TSEN2: variants seen among roughly 807,000 people sequenced by gnomAD.
The protein encoded by TSEN2 is tRNA splicing endonuclease subunit 2.
In TSEN2, 54 loss-of-function variants were observed where a neutral mutation model predicts 59.2. That is an observed-to-expected ratio of 0.91 (90% CI 0.73 to 1.14). The LOEUF (loss-of-function observed/expected upper bound fraction) is 1.14, where lower values mean the gene tolerates loss of function less well. TSEN2 is among the 50% of genes most tolerant of loss of function. TSEN2 has a pLI of 0.00. For synonymous variants in TSEN2, 195 were observed against 198.2 expected (o/e 0.98, Z 0.14); for missense variants, 636 against 576.2 (o/e 1.10, Z -1.06).
At chr3:12,509,776 A>G (rs900505903) in intron 6 of TSEN2, among the ~76,000 whole-genome samples, 1 of 152,224 alleles carries the variant, frequency 6.6e-6, no homozygotes, top group Non-Finnish European at 1.5e-5. Context: ...AGCAGCATTC[A>G]TGCTGAGTGT....
intron 8 of TSEN2, among the ~76,000 whole-genome samples, chr3:12,522,692 C>T (rs999988425): frequency 3.9e-5 from 6 of 152,254 alleles, no homozygotes; most frequent in African/African-American, 9.6e-5. Context: ...ACTCCTAATA[C>T]AAGACCATTG....
At chr3:12,538,032 G>C (rs951304023), downstream of TSEN2, among the ~76,000 whole-genome samples, 12 of 152,130 alleles carry the variant, frequency 7.9e-5, no homozygotes, top group Admixed American at 1.3e-4. Flanking sequence ...TCATAGTTCT[G>C]CTTAAAATGG....
chr3:12,527,317 A>G (rs1041429510), intron 8 of TSEN2, among the ~76,000 whole-genome samples: 1 of 152,222 alleles, frequency 6.6e-6, no homozygotes, highest in Non-Finnish European at 1.5e-5. Flanking sequence ...TACTAAAGTC[A>G]TGCTACAAAT....
intron 8 of TSEN2, among the ~76,000 whole-genome samples, chr3:12,524,464 G>A (rs1306231013): frequency 6.6e-6 from 1 of 152,124 alleles, no homozygotes; most frequent in African/African-American, 2.4e-5. Context: ...GTGGCCCCAG[G>A]CGTTTTGTGG....
rs533406462 is a variant in TSEN2 at position 12,491,911 on chromosome 3, T to C, written c.190-225T>C. On this transcript the variant is annotated intron_variant, in intron 2 of 11. Coordinates refer to ENST00000284995, the MANE Select transcript of TSEN2 (RefSeq NM_025265.4). ...AGCATTTGCATTGCATTAGGTATTA[T>C]AAGTAGCCTAGAGATGACTTAAAGT... 4.1e-4 allele frequency among the ~76,000 whole-genome samples: 62 copies of C among 152,358 alleles called. 1 individual carries two copies. The highest frequency in any genetic ancestry group is 8.4e-4 in the African/African-American group (35 of 41,584).
At chr3:12,485,683 A>G (rs1449463143) in intron 1 of TSEN2, among the ~76,000 whole-genome samples, 1 of 152,174 alleles carries the variant, frequency 6.6e-6, no homozygotes, top group African/African-American at 2.4e-5. Flanking sequence ...TGTGTGATGT[A>G]CCACTCCCAG....
At chr3:12,528,644 C>T (rs575716433) in intron 8 of TSEN2, among the ~76,000 whole-genome samples, 37 of 152,282 alleles carry the variant, frequency 2.4e-4, no homozygotes, top group African/African-American at 7.5e-4. Flanking sequence ...TGCTTGAGCC[C>T]AAGAGGGCAA....
chr3:12,527,614 C>A (rs1450638079), intron 8 of TSEN2, among the ~76,000 whole-genome samples: 1 of 152,052 alleles, frequency 6.6e-6, no homozygotes, highest in Non-Finnish European at 1.5e-5. Context: ...GTAATTGTGT[C>A]GTTATGGCAA....
In TSEN2 at chr3:12,519,053, C is replaced by T; in HGVS notation, c.961-6C>T. On this transcript the variant is annotated splice_region_variant and splice_polypyrimidine_tract_variant and intron_variant, in intron 7 of 11. Coordinates refer to ENST00000284995, the MANE Select transcript of TSEN2 (RefSeq NM_025265.4). ...ATGCTTTTTGTTTTTTTGTAAATAACTTTAGGAGCCTTTAACGATAGTGAA... is the reference window on the plus strand; with the variant it reads ...ATGCTTTTTGTTTTTTTGTAAATAATTTTAGGAGCCTTTAACGATAGTGAA... 1 of 1,614,038 alleles carries T rather than the reference C, an allele frequency of 6.2e-7. No homozygotes were observed. The highest frequency in any genetic ancestry group is 1.3e-5 in the African/African-American group (1 of 75,002).
intron 3 of TSEN2, among the ~76,000 whole-genome samples, chr3:12,494,862 A>G (rs899290448): frequency 1.3e-5 from 2 of 151,650 alleles, no homozygotes; most frequent in Non-Finnish European, 2.9e-5. Flanking sequence ...ATGGTGGCTC[A>G]CACCTGTAAT....
chr3:12,505,270 C>T, intron 6 of TSEN2, 39 bp downstream of exon 6: 1 of 1,322,550 alleles, frequency 7.6e-7, no homozygotes, highest in Non-Finnish European at 1.1e-6. Context: ...CCATCGGTCT[C>T]TGGGCCTGAA....
At chr3:12,497,852 A>G (rs1328879604) in intron 4 of TSEN2, among the ~76,000 whole-genome samples, 2 of 152,194 alleles carry the variant, frequency 1.3e-5, no homozygotes, top group Non-Finnish European at 2.9e-5. Flanking sequence ...ATTTATTGTC[A>G]TGGTTTTGGA....
rs528677083 is a variant in TSEN2 at position 12,532,901 on chromosome 3, G to C, written c.*180G>C. The stretch of plus-strand genomic sequence containing the variant: ...CACAAGGGAGGAGAAAGATCCCTGT[G>C]CTAGGACTGCAGATTCTATACTTGC... On this transcript the variant is annotated 3_prime_UTR_variant, in exon 12 of 12. Transcript: ENST00000284995. 1 of 660,126 alleles carries C rather than the reference G, an allele frequency of 1.5e-6. No homozygotes were observed. Among genetic ancestry groups the C allele is most frequent in the African/African-American group, 1.8e-5 (1 of 55,142 alleles). 40.9% of individuals were successfully genotyped at this position (660,126 alleles called of 1,614,324 possible).
chr3:12,519,382 G>C (rs541346383), intron 8 of TSEN2, among the ~76,000 whole-genome samples, 185 bp downstream of exon 8: 1 of 152,282 alleles, frequency 6.6e-6, no homozygotes, highest in African/African-American at 2.4e-5. Flanking sequence ...GGCAGTCTAG[G>C]GAGAAGGCCT....
At chr3:12,508,327 G>C (rs1006465548) in intron 6 of TSEN2, among the ~76,000 whole-genome samples, 7 of 152,214 alleles carry the variant, frequency 4.6e-5, no homozygotes, top group African/African-American at 1.7e-4. Flanking sequence ...CTTAGAAGCT[G>C]CCTGGCACCT....
At chr3:12,494,758 A>G (rs945338443) in intron 3 of TSEN2, among the ~76,000 whole-genome samples, 1 of 151,686 alleles carries the variant, frequency 6.6e-6, no homozygotes, top group African/African-American at 2.4e-5. Flanking sequence ...GTAGGAAGGG[A>G]TGAAACAGGA....
At chr3:12,528,750 A>G in intron 8 of TSEN2, 138 bp from the exon 9 acceptor site, 1 of 836,800 alleles carries the variant, frequency 1.2e-6, no homozygotes, top group South Asian at 1.5e-5. Context: ...ATTGCAGATG[A>G]TCTGTCTACA....
intron 7 of TSEN2, among the ~76,000 whole-genome samples, chr3:12,518,671 T>G (rs1409120726): frequency 6.6e-6 from 1 of 151,842 alleles, no homozygotes; most frequent in African/African-American, 2.4e-5. Context: ...TAACCCAACT[T>G]ATTCAAAGAT....
Position 12,499,146 on chromosome 3 carries a change from G to A in TSEN2, c.308+2592G>A, listed in dbSNP as rs541047415. Among the ~76,000 whole-genome samples, 19 of 152,096 alleles carry A rather than the reference G, an allele frequency of 1.2e-4. No homozygotes were observed. The South Asian group carries it at 2.5e-3, about 20-fold the overall frequency. On this transcript the variant is annotated intron_variant, in intron 4 of 11. Coordinates refer to ENST00000284995, the MANE Select transcript of TSEN2 (RefSeq NM_025265.4). ...AATTGGCCTTTTTCCAATAATAGTCGTCCTTGGATAAAGTTACGCACCTTC... is the reference window on the plus strand; with the variant it reads ...AATTGGCCTTTTTCCAATAATAGTCATCCTTGGATAAAGTTACGCACCTTC...
Sources: gnomAD v4.1 joint callset for allele counts (sites outside exome capture counted in the v4.1 genomes callset) on GRCh38, gnomAD v4.1.1 for gene constraint, MANE v1.5 for transcripts, NCBI Gene and HGNC (gene_info 2026-07-23, HGNC 2026-07-21) for gene names.